Variants in LTBP1 observed in about 807,000 individuals in gnomAD.
The protein encoded by LTBP1 is latent transforming growth factor beta binding protein 1.
In LTBP1, 129 loss-of-function variants were observed where a neutral mutation model predicts 207.6. That is an observed-to-expected ratio of 0.62 (90% confidence interval 0.54 to 0.72). The LOEUF is 0.72. Among genes scored for constraint, LTBP1 ranks in the 30% least tolerant of loss-of-function variants. The pLI is 0.00. For missense variants in LTBP1, 2,281 were observed against 2,217.2 expected (o/e 1.03, Z -0.58); for synonymous variants, 963 against 833.7 (o/e 1.16, Z -2.67).
chr2:33,107,583 C>T (rs1475132838), intron 3 of LTBP1, among the ~76,000 whole-genome samples: 3 of 152,092 alleles, frequency 2.0e-5, no homozygotes, highest in Non-Finnish European at 2.9e-5. Flanking sequence ...GGGAGATCCA[C>T]CAGTGGAGGG....
At chr2:33,023,887 T>G (rs2075292543) in intron 3 of LTBP1, among the ~76,000 whole-genome samples, 1 of 152,236 alleles carries the variant, frequency 6.6e-6, no homozygotes, top group South Asian at 2.1e-4. Context: ...TTGAGAAATG[T>G]TACAATCCTT....
At chr2:33,365,693 C>T (rs1039884693) in intron 31 of LTBP1, among the ~76,000 whole-genome samples, 190 bp downstream of exon 31, 8 of 151,602 alleles carry the variant, frequency 5.3e-5, no homozygotes, top group African/African-American at 1.7e-4. Flanking sequence ...TTTACCTCTA[C>T]TCCCGACCCT....
chr2:33,014,549 G>A (rs1481960449), intron 2 of LTBP1, among the ~76,000 whole-genome samples: 1 of 152,170 alleles, frequency 6.6e-6, no homozygotes, highest in Non-Finnish European at 1.5e-5. Flanking sequence ...GGACACATGC[G>A]GTAGACATGC....
At chr2:33,103,287 TGTATGCACA>T (rs1558640233) in intron 3 of LTBP1, among the ~76,000 whole-genome samples, 2 of 149,794 alleles carry the variant, frequency 1.3e-5, no homozygotes, top group African/African-American at 2.4e-5. Context: ...CTGTATGCAC[TGTATGCACA>T]GTCTCTATGT....
chr2:33,034,772 C>T (rs2075839945), intron 3 of LTBP1, among the ~76,000 whole-genome samples: 1 of 151,988 alleles, frequency 6.6e-6, no homozygotes. Flanking sequence ...GAGGGGCTGA[C>T]ATTTCCTCTC....
chr2:32,993,779 A>G (rs999159948), intron 2 of LTBP1, among the ~76,000 whole-genome samples: 2 of 152,172 alleles, frequency 1.3e-5, no homozygotes, highest in African/African-American at 4.8e-5. Flanking sequence ...CCCTTGTGTA[A>G]CAGATGAGGA....
At chr2:33,078,751 C>A (rs1572528551) in intron 3 of LTBP1, among the ~76,000 whole-genome samples, 4 of 151,804 alleles carry the variant, frequency 2.6e-5, no homozygotes, top group African/African-American at 9.6e-5. Flanking sequence ...AAGCTGGAGT[C>A]TATATTACAT....
intron 3 of LTBP1, among the ~76,000 whole-genome samples, chr2:33,071,470 G>A (rs543574326): frequency 2.0e-5 from 3 of 152,352 alleles, no homozygotes; most frequent in Non-Finnish European, 4.4e-5. Context: ...CTACCAGGCA[G>A]TGGGATCATT....
intron 19 of LTBP1, among the ~76,000 whole-genome samples, chr2:33,292,376 A>G (rs189924705): frequency 1.3e-5 from 2 of 152,196 alleles, no homozygotes; most frequent in Non-Finnish European, 1.5e-5. Context: ...GGTTAAAAGG[A>G]TAGGCTTGGG....
chr2:33,394,144 AT>A (rs1260523969), intron 32 of LTBP1, among the ~76,000 whole-genome samples: 1 of 151,118 alleles, frequency 6.6e-6, no homozygotes, highest in Non-Finnish European at 1.5e-5. Context: ...GGGTTGTTTG[AT>A]TTTTTTTCTT....
intron 2 of LTBP1, among the ~76,000 whole-genome samples, chr2:33,017,820 G>C (rs959883626): frequency 6.6e-6 from 1 of 152,164 alleles, no homozygotes; most frequent in African/African-American, 2.4e-5. Flanking sequence ...GTTTCACCGT[G>C]TTAACCAGGA....
In LTBP1 at chr2:33,004,786, AATATATATAT is replaced by A. The variant is rs34777461; in HGVS notation, c.566-16103_566-16094del. On this transcript the variant is annotated intron_variant, in intron 2 of 33. Coordinates refer to ENST00000404816, the MANE Select transcript of LTBP1 (RefSeq NM_206943.4). ...TGAGCCTCAGTCTCAAAAAAAAAGGAATATATATATATATATATATATATATATAAACATA... is the reference window on the plus strand; with the variant it reads ...TGAGCCTCAGTCTCAAAAAAAAAGGAATATATATATATATATATAAACATA... Among the ~76,000 whole-genome samples, 120 of 101,106 alleles carry A rather than the reference AATATATATAT, an allele frequency of 1.2e-3. 2 individuals carry two copies. Among genetic ancestry groups the A allele is most frequent in the Admixed American group, 3.9e-3 (29 of 7,444 alleles). 66.3% of individuals were successfully genotyped at this position (101,106 alleles called of 152,430 possible). A position where few individuals can be genotyped will look rare whatever the true frequency, so the allele number is the denominator to read the frequency against.
chr2:33,019,665 C>A (rs1248349796), intron 2 of LTBP1, among the ~76,000 whole-genome samples: 1 of 150,500 alleles, frequency 6.6e-6, no homozygotes, highest in African/African-American at 2.4e-5. Context: ...GGGACCTTGC[C>A]TATCATAAAA....
intron 5 of LTBP1, among the ~76,000 whole-genome samples, chr2:33,138,910 G>A (rs1186991433): frequency 7.5e-6 from 1 of 132,664 alleles, no homozygotes; most frequent in African/African-American, 2.9e-5. Context: ...CCAGGCTGGA[G>A]TGCAGTGGCG....
intron 3 of LTBP1, chr2:33,056,458 A>G (rs2149565924): frequency 1.1e-6 from 1 of 933,318 alleles, no homozygotes; most frequent in Non-Finnish European, 1.6e-6. Context: ...CTGTTGTTGC[A>G]AATTGCCAGC....
At chr2:33,232,455 A>G (rs2091843564) in intron 9 of LTBP1, among the ~76,000 whole-genome samples, 1 of 152,170 alleles carries the variant, frequency 6.6e-6, no homozygotes, top group African/African-American at 2.4e-5. Context: ...CAGAGTCATT[A>G]TTTTACAGGT....
intron 12 of LTBP1, among the ~76,000 whole-genome samples, chr2:33,258,283 G>A (rs956921873): frequency 3.9e-5 from 6 of 152,148 alleles, no homozygotes; most frequent in Non-Finnish European, 5.9e-5. Context: ...AAACCTTTTG[G>A]ATTTGTATGG....
At chr2:33,308,247 C>A (rs535619849) in intron 22 of LTBP1, among the ~76,000 whole-genome samples, 3 of 152,190 alleles carry the variant, frequency 2.0e-5, no homozygotes, top group African/African-American at 4.8e-5. Flanking sequence ...CGCATTCATG[C>A]GGTGAAGGGG....
Position 33,025,580 on chromosome 2 carries a change from T to G in LTBP1, c.863+4374T>G, listed in dbSNP as rs190228073. Among the ~76,000 whole-genome samples, 7 of 152,326 alleles carry G rather than the reference T, an allele frequency of 4.6e-5. No individual in the cohort carries two copies. In the East Asian group the frequency reaches 1.3e-3, roughly 29 times the overall value. On this transcript the variant is annotated intron_variant, in intron 3 of 33. Transcript: ENST00000404816. ...AAAAGAAAAAGATAACAATGACGAT[T>G]TATAGAACAATCATGAACATGCTAA... is the stretch of plus-strand genomic sequence containing the variant.
Sources: gnomAD v4.1 joint callset for allele counts (sites outside exome capture counted in the v4.1 genomes callset) on GRCh38, gnomAD v4.1.1 for gene constraint, MANE v1.5 for transcripts, NCBI Gene and HGNC (gene_info 2026-07-23, HGNC 2026-07-21) for gene names.